PGAM5: variants seen among roughly 807,000 people sequenced by gnomAD.
PGAM5 encodes PGAM family member 5, mitochondrial serine/threonine protein phosphatase, also known as serine/threonine-protein phosphatase PGAM5, mitochondrial.
Under a neutral mutation model 30.6 loss-of-function variants are expected in PGAM5, and 25 were observed. The observed-to-expected ratio is 0.82, with a 90% CI of 0.60 to 1.14. The LOEUF (loss-of-function observed/expected upper bound fraction) is 1.14, where lower values mean the gene tolerates loss of function less well. PGAM5 is among the 50% of genes most tolerant of loss of function. The pLI is 0.00. For missense variants in PGAM5, 384 were observed against 408.5 expected, an observed-to-expected ratio of 0.94 and a Z score of 0.52; for synonymous variants, 201 against 179.1, an observed-to-expected ratio of 1.12 and a Z score of -0.98.
chr12:132,720,871 G>A lies in PGAM5; in HGVS notation c.*43G>A, dbSNP rs776168315. On this transcript the variant is annotated 3_prime_UTR_variant, in exon 6 of 6. Coordinates refer to ENST00000498926, the MANE Select transcript of PGAM5 (RefSeq NM_001170543.2). The stretch of plus-strand genomic sequence containing the variant: ...TCCCTCTGTCCTCCCTGCACAGGCC[G>A]CACACACTTAACGTTTTGTTCCCAA... The A allele has an allele frequency of 2.1e-5, 32 of 1,516,820 alleles. No individual in the cohort carries two copies. The South Asian group carries it at 2.4e-4, about 12-fold the overall frequency. The allele number at this position is 1,516,820 out of a possible 1,614,324, so 94.0% of individuals were successfully genotyped here. A position where few individuals can be genotyped will look rare whatever the true frequency, so the allele number is the denominator to read the frequency against.
chr12:132,717,580 G>T lies in PGAM5; in HGVS notation c.496+16G>T. On this transcript the variant is annotated intron_variant, in intron 3 of 5. Transcript: ENST00000498926. ...CACCTGCCAGGTGAGTGCTGCGCGC[G>T]GGGCCTCCATGCTTGCAGCAGTGGG... The T allele has an allele frequency of 6.2e-7, 1 of 1,609,412 alleles. No homozygotes were observed. Among genetic ancestry groups the T allele is most frequent in the South Asian group, 1.1e-5 (1 of 90,996 alleles).
chr12:132,719,703 C>G (rs2043623819), intron 5 of PGAM5, among the ~76,000 whole-genome samples: 1 of 152,240 alleles, frequency 6.6e-6, no homozygotes, highest in African/African-American at 2.4e-5. Flanking sequence ...TGCACCTGGA[C>G]ACGAGAATAT....
chr12:132,711,052 A>T lies in PGAM5; in HGVS notation c.176A>T (p.Asp59Val). The change falls in exon 1 of 6, where the codon GAC becomes GTC. Residue 59 changes from aspartate (D) to valine (V), a missense_variant. Asp to Val is a radical substitution (Grantham distance 152). Coordinates refer to ENST00000498926, the MANE Select transcript of PGAM5 (RefSeq NM_001170543.2). ...GCGCGGCCGGGCCCCGGTGTCTGGGACCCCAACTGGGACAGGTGCGCGCGG... is the reference window on the plus strand; with the variant it reads ...GCGCGGCCGGGCCCCGGTGTCTGGGTCCCCAACTGGGACAGGTGCGCGCGG... ...GGARPGPGVW[D>V]PNWDRREPLS... The T allele has an allele frequency of 8.3e-7, 1 of 1,211,164 alleles. No individual in the cohort carries two copies. The highest frequency in any genetic ancestry group is 4.1e-5 in the South Asian group (1 of 24,138). The allele number at this position is 1,211,164 out of a possible 1,614,324, so 75.0% of individuals were successfully genotyped here. A position where few individuals can be genotyped will look rare whatever the true frequency, so the allele number is the denominator to read the frequency against.
At chr12:132,713,618 C>T (rs781396768) in intron 1 of PGAM5, among the ~76,000 whole-genome samples, 3 of 152,162 alleles carry the variant, frequency 2.0e-5, no homozygotes, top group East Asian at 3.8e-4. Context: ...ACTGTCTCAG[C>T]GAGTAAATAC....
At chr12:132,720,445 C>CT (rs553833836) in intron 5 of PGAM5, among the ~76,000 whole-genome samples, 60 of 152,178 alleles carry the variant, frequency 3.9e-4, no homozygotes, top group Middle Eastern at 6.8e-3. Context: ...GTAGCTGGGA[C>CT]TACAGGTGCC....
intron 5 of PGAM5, among the ~76,000 whole-genome samples, chr12:132,720,369 G>A (rs918454661): frequency 6.0e-5 from 9 of 150,770 alleles, no homozygotes; most frequent in African/African-American, 1.7e-4. Context: ...GTGCAGTGGC[G>A]CGATCTCAGC....
At chr12:132,718,674 C>T (rs1278515707) in intron 5 of PGAM5, 3 of 1,449,326 alleles carry the variant, frequency 2.1e-6, no homozygotes, top group African/African-American at 1.4e-5. Context: ...CCGCACTGCC[C>T]TGGTTGTTTT....
chr12:132,717,869 C>T lies in PGAM5; in HGVS notation c.585+71C>T, dbSNP rs541459213. The T allele has an allele frequency of 1.4e-5, 23 of 1,591,540 alleles. No homozygotes were observed. The East Asian group carries it at 5.3e-4, about 37-fold the overall frequency. ...GGGCAAAGCGGCCCTGCTGGGCTCA[C>T]CATCCACCACGTGCCCGGCCGTCCC... On this transcript the variant is annotated intron_variant, in intron 4 of 5. Transcript: ENST00000498926.
chr12:132,714,391 A>G (rs112171925), intron 1 of PGAM5, among the ~76,000 whole-genome samples: 2,128 of 152,336 alleles, frequency 0.014, 44 homozygotes, highest in African/African-American at 0.047. Flanking sequence ...TAAATTTTGA[A>G]TTGAAACATC....
chr12:132,715,996 G>A (rs553427460), intron 2 of PGAM5, among the ~76,000 whole-genome samples: 5 of 152,286 alleles, frequency 3.3e-5, no homozygotes, highest in East Asian at 3.9e-4. Context: ...GGAAAGCGGC[G>A]TGGCTTGTGC....
At chr12:132,717,638 G>A in intron 3 of PGAM5, 72 bp from the exon 4 acceptor site, 1 of 1,591,384 alleles carries the variant, frequency 6.3e-7, no homozygotes. Context: ...CTGAGCTCCT[G>A]GCCACCGGGA....
intron 1 of PGAM5, among the ~76,000 whole-genome samples, chr12:132,714,227 A>G (rs1352529684): frequency 1.3e-5 from 2 of 152,140 alleles, no homozygotes; most frequent in South Asian, 2.1e-4. Flanking sequence ...CATGTTGGCC[A>G]GGCTAGTGTC....
In PGAM5 at chr12:132,714,959, G is replaced by A. The variant is rs760960368; in HGVS notation, c.293G>A (p.Arg98Gln). 41 of 1,613,402 alleles carry A rather than the reference G, an allele frequency of 2.5e-5. No individual in the cohort carries two copies. Among genetic ancestry groups the A allele is most frequent in the African/African-American group, 2.7e-5 (2 of 74,934 alleles). ...GACCACTACAAAGCCAAGGCCACGC[G>A]GCACATCTTCCTCATCAGGCATTCC... The part of the protein sequence containing the change: ...KLDHYKAKAT[R>Q]HIFLIRHSQY... The change falls in exon 2 of 6, where the codon CGG becomes CAG. Residue 98 changes from arginine (R) to glutamine (Q), a missense_variant. Transcript: ENST00000498926.
chr12:132,720,646 C>A, intron 5 of PGAM5, 32 bp from the exon 6 acceptor site: 2 of 1,527,072 alleles, frequency 1.3e-6, no homozygotes, highest in Non-Finnish European at 1.8e-6. Flanking sequence ...CTGGCTCTAA[C>A]GTGCTCTTTC....
chr12:132,718,992 C>T (rs913640633), intron 5 of PGAM5: 68 of 1,445,742 alleles, frequency 4.7e-5, no homozygotes, highest in Middle Eastern at 2.5e-4. Flanking sequence ...CAGAATGATC[C>T]GGGTTCAGGT....
intron 5 of PGAM5, chr12:132,719,041 T>C: frequency 7.0e-7 from 1 of 1,427,642 alleles, no homozygotes; most frequent in African/African-American, 1.4e-5. Flanking sequence ...CAGCCACTTC[T>C]TTAAGGAGCT....
intron 5 of PGAM5, chr12:132,718,727 AC>A: frequency 1.9e-6 from 3 of 1,611,696 alleles, no homozygotes; most frequent in Non-Finnish European, 1.7e-6. Flanking sequence ...AACTCGACCA[AC>A]CACCTTCTGC....
rs778809221 is a variant in PGAM5, at chr12:132,717,531, G to C, written c.463G>C (p.Glu155Gln). The C allele has an allele frequency of 4.3e-6, 7 of 1,610,768 alleles. No homozygotes were observed. In the East Asian group the frequency reaches 1.1e-4, roughly 26 times the overall value. ...IVHSSMTRAI[E>Q]TTDIISRHLP... ...CCATTCGTCTATGACGCGCGCCATAGAGACCACCGATATCATCAGCCGGCA... is the reference window on the plus strand; with the variant it reads ...CCATTCGTCTATGACGCGCGCCATACAGACCACCGATATCATCAGCCGGCA... The change falls in exon 3 of 6, where the codon GAG becomes CAG. Residue 155 changes from glutamate to glutamine, a missense_variant. Coordinates refer to ENST00000498926, the MANE Select transcript of PGAM5 (RefSeq NM_001170543.2).
intron 2 of PGAM5, among the ~76,000 whole-genome samples, 184 bp from the exon 3 acceptor site, chr12:132,717,255 G>T (rs548563621): frequency 6.6e-6 from 1 of 151,284 alleles, no homozygotes; most frequent in Non-Finnish European, 1.5e-5. Flanking sequence ...AGGAGCCATC[G>T]GCTGAGCTTG....
Sources: gnomAD v4.1 joint callset for allele counts (sites outside exome capture counted in the v4.1 genomes callset) on GRCh38, gnomAD v4.1.1 for gene constraint, MANE v1.5 for transcripts, NCBI Gene and HGNC (gene_info 2026-07-23, HGNC 2026-07-21) for gene names.